The following PPARGC1A variants were observed in gnomAD, a reference collection of about 807,000 sequenced individuals.
The protein encoded by PPARGC1A is PPARG coactivator 1 alpha.
In PPARGC1A, 25 loss-of-function variants were observed where a neutral mutation model predicts 88.7. The ratio of observed to expected loss-of-function variants is 0.28; its 90% CI spans 0.21 to 0.39. The LOEUF is 0.39. Ranked by LOEUF, PPARGC1A falls within the 10% of genes least tolerant of loss-of-function variation. PPARGC1A has a pLI of 1.00. For synonymous variants in PPARGC1A, 363 were observed against 355.6 expected (o/e 1.02, Z -0.24); for missense variants, 880 against 968.7 (o/e 0.91, Z 1.22).
At chr4:24,089,697 A>G in the PPARGC1A span, among the ~76,000 whole-genome samples, 1 of 151,894 alleles carries the variant, frequency 6.6e-6, no homozygotes. Context: ...TATTTTTGGT[A>G]GAGACGGGGT....
At chr4:23,912,108 A>G in the PPARGC1A span, among the ~76,000 whole-genome samples, 1 of 152,196 alleles carries the variant, frequency 6.6e-6, no homozygotes, top group African/African-American at 2.4e-5. Context: ...AGAAAAGGAG[A>G]GACAGAGAAT....
upstream of PPARGC1A, chr4:23,903,944 C>G: frequency 1.3e-6 from 1 of 771,594 alleles, no homozygotes; most frequent in Non-Finnish European, 1.6e-6. Flanking sequence ...ACCCACCTAC[C>G]AATAGCATAA....
the PPARGC1A span, among the ~76,000 whole-genome samples, chr4:24,392,983 C>G: frequency 6.6e-6 from 1 of 151,168 alleles, no homozygotes; most frequent in African/African-American, 2.4e-5. Context: ...GATGGTACAG[C>G]TCTAAACCCC....
chr4:24,067,916 C>G, the PPARGC1A span, among the ~76,000 whole-genome samples: 1 of 152,178 alleles, frequency 6.6e-6, no homozygotes, highest in South Asian at 2.1e-4. Context: ...TCCTGAATCA[C>G]CTGTTACTTA....
chr4:23,922,696 C>T, the PPARGC1A span, among the ~76,000 whole-genome samples: 7 of 152,142 alleles, frequency 4.6e-5, no homozygotes, highest in South Asian at 4.1e-4. Flanking sequence ...TCAATGAAAA[C>T]GCCCAACTCA....
At chr4:24,061,888 C>T in the PPARGC1A span, among the ~76,000 whole-genome samples, 2 of 152,278 alleles carry the variant, frequency 1.3e-5, no homozygotes, top group African/African-American at 2.4e-5. Flanking sequence ...TGAGTTCCAT[C>T]GAGTTTGGGA....
upstream of PPARGC1A, among the ~76,000 whole-genome samples, chr4:23,902,373 C>T (rs1719511364): frequency 6.6e-6 from 1 of 152,108 alleles, no homozygotes; most frequent in Non-Finnish European, 1.5e-5. Flanking sequence ...TGCACAACTC[C>T]AGGGGGCGCT....
chr4:24,312,751 C>G, the PPARGC1A span, among the ~76,000 whole-genome samples: 1 of 151,570 alleles, frequency 6.6e-6, no homozygotes, highest in Non-Finnish European at 1.5e-5. Context: ...AGCAAATTTA[C>G]TTTCTTAGAA....
the PPARGC1A span, among the ~76,000 whole-genome samples, chr4:23,988,720 G>A: frequency 3.8e-4 from 57 of 150,994 alleles, no homozygotes; most frequent in Middle Eastern, 3.5e-3. Context: ...AATTTGCATC[G>A]TAAGTTTATG....
At chr4:24,112,440 A>C in the PPARGC1A span, among the ~76,000 whole-genome samples, 60 of 152,162 alleles carry the variant, frequency 3.9e-4, no homozygotes, top group Admixed American at 7.2e-4. Context: ...AGCAGGCTGA[A>C]TTTTACCACA....
the PPARGC1A span, among the ~76,000 whole-genome samples, chr4:24,094,046 G>A: frequency 1.3e-5 from 2 of 152,138 alleles, no homozygotes; most frequent in South Asian, 2.1e-4. Context: ...TTCCCAGGGT[G>A]GGGGAGGCTT....
At chr4:24,224,688 A>C in the PPARGC1A span, among the ~76,000 whole-genome samples, 1 of 152,200 alleles carries the variant, frequency 6.6e-6, no homozygotes, top group Non-Finnish European at 1.5e-5. Context: ...GGCAAAGTGG[A>C]AAGGGGAGGT....
chr4:24,228,767 T>C, the PPARGC1A span, among the ~76,000 whole-genome samples: 13 of 152,330 alleles, frequency 8.5e-5, no homozygotes, highest in African/African-American at 2.9e-4. Context: ...ACATACCCAT[T>C]ACAATTAGTA....
At chr4:24,083,627 T>C in the PPARGC1A span, among the ~76,000 whole-genome samples, 5 of 152,222 alleles carry the variant, frequency 3.3e-5, no homozygotes, top group South Asian at 1.0e-3. Context: ...TCCCAGCCTC[T>C]AAGCCAATGA....
chr4:24,061,737 G>A, the PPARGC1A span, among the ~76,000 whole-genome samples: 1 of 152,248 alleles, frequency 6.6e-6, no homozygotes, highest in African/African-American at 2.4e-5. Flanking sequence ...GCTCTAATTT[G>A]ATGCTCACAC....
the PPARGC1A span, among the ~76,000 whole-genome samples, chr4:24,076,958 T>G: frequency 1.3e-5 from 2 of 152,168 alleles, no homozygotes; most frequent in South Asian, 2.1e-4. Flanking sequence ...ACATACTTTT[T>G]TGTTTCCCCT....
the PPARGC1A span, among the ~76,000 whole-genome samples, chr4:24,467,028 AAG>A: frequency 3.6e-3 from 365 of 101,188 alleles, 3 homozygotes; most frequent in African/African-American, 9.6e-3. Flanking sequence ...GAAAGAAAGA[AAG>A]AGAAAGAGAG....
At chr4:23,980,770 G>A in the PPARGC1A span, among the ~76,000 whole-genome samples, 1 of 152,084 alleles carries the variant, frequency 6.6e-6, no homozygotes, top group Non-Finnish European at 1.5e-5. Flanking sequence ...CTGATAGCAG[G>A]TTCTGAAGTG....
the PPARGC1A span, among the ~76,000 whole-genome samples, chr4:23,971,674 G>C: frequency 4.5e-4 from 68 of 152,294 alleles, no homozygotes; most frequent in African/African-American, 1.6e-3. Context: ...CAGCTGATTA[G>C]GTGGAGCCCT....
Sources: allele counts gnomAD v4.1 joint callset (sites outside exome capture counted in the v4.1 genomes callset), GRCh38; gene constraint gnomAD v4.1.1; transcripts MANE v1.5; gene names NCBI Gene and HGNC (gene_info 2026-07-23, HGNC 2026-07-21).